The following DENND1B variants were observed in gnomAD, a reference collection of about 807,000 sequenced individuals.
The protein encoded by DENND1B is DENN domain containing 1B.
A neutral mutation model predicts 90.1 loss-of-function variants in DENND1B; 59 were observed. The ratio of observed to expected loss-of-function variants is 0.65; its 90% CI spans 0.53 to 0.81. The LOEUF (loss-of-function observed/expected upper bound fraction) is 0.81, where lower values mean the gene tolerates loss of function less well. DENND1B is among the 40% of genes least tolerant of loss of function. The pLI is 0.00. For synonymous variants in DENND1B, 337 were observed against 324.6 expected, an observed-to-expected ratio of 1.04 and a Z score of -0.41; for missense variants, 862 against 912.6, an observed-to-expected ratio of 0.94 and a Z score of 0.71.
chr1:197,552,159 T>C, intron 16 of DENND1B: 2 of 903,668 alleles, frequency 2.2e-6, no homozygotes, highest in Non-Finnish European at 2.6e-6. Flanking sequence ...TCTATTTATT[T>C]ACATATAGAC....
At chr1:197,749,497 T>C (rs1450769054) in intron 2 of DENND1B, among the ~76,000 whole-genome samples, 3 of 152,070 alleles carry the variant, frequency 2.0e-5, no homozygotes. Context: ...CAGAACATTA[T>C]TAAAAATGCT....
chr1:197,770,837 A>G (rs916000715), intron 2 of DENND1B, among the ~76,000 whole-genome samples: 1 of 96,978 alleles, frequency 1.0e-5, no homozygotes, highest in Admixed American at 1.1e-4. Context: ...TATATCTATA[A>G]ATATATATAA....
intron 2 of DENND1B, among the ~76,000 whole-genome samples, chr1:197,731,614 G>A (rs933424072): frequency 2.0e-5 from 3 of 152,058 alleles, no homozygotes; most frequent in African/African-American, 7.2e-5. Flanking sequence ...TATACACCAG[G>A]GGCGTCCAAT....
chr1:197,512,952 G>C lies in DENND1B; in HGVS notation c.1517C>G (p.Ala506Gly). The change falls in exon 21 of 23, where the codon GCA becomes GGA. Residue 506 changes from alanine to glycine, a missense_variant and splice_region_variant. Ala to Gly is a moderately conservative substitution (Grantham distance 60). Transcript: ENST00000620048. ...GNSEKRKLAQ[A>G]RLKRPLKSLD... ...GCTCTTAAGAGGCCTTTTTAAGCGTGCCTGGAGAGAGAGATTGACAATAAA... is the reference window on the plus strand; with the variant it reads ...GCTCTTAAGAGGCCTTTTTAAGCGTCCCTGGAGAGAGAGATTGACAATAAA... 2 of 1,605,922 alleles carry C rather than the reference G, an allele frequency of 1.2e-6. No homozygotes were observed. The highest frequency in any genetic ancestry group is 8.5e-7 in the Non-Finnish European group (1 of 1,176,310).
chr1:197,577,632 G>C (rs989221886), intron 15 of DENND1B, among the ~76,000 whole-genome samples: 4 of 152,176 alleles, frequency 2.6e-5, no homozygotes, highest in Admixed American at 1.3e-4. Flanking sequence ...GTATCAGTAT[G>C]AGATAAAAGT....
intron 9 of DENND1B, among the ~76,000 whole-genome samples, chr1:197,644,616 C>G (rs557921749): frequency 1.1e-4 from 16 of 147,020 alleles, no homozygotes; most frequent in Admixed American, 4.1e-4. Context: ...ACTTTAGGAT[C>G]CATTATGTCA....
At chr1:197,567,937 C>T (rs1398531488) in intron 15 of DENND1B, among the ~76,000 whole-genome samples, 1 of 151,016 alleles carries the variant, frequency 6.6e-6, no homozygotes, top group Non-Finnish European at 1.5e-5. Context: ...AGTAGAAATC[C>T]TAGTTAGAGC....
intron 3 of DENND1B, among the ~76,000 whole-genome samples, chr1:197,694,030 T>A (rs1205505259): frequency 1.3e-5 from 2 of 151,496 alleles, no homozygotes; most frequent in Non-Finnish European, 3.0e-5. Flanking sequence ...TATCCTAAAG[T>A]GTATTTCAGG....
intron 2 of DENND1B, among the ~76,000 whole-genome samples, chr1:197,751,954 GA>G (rs1653599279): frequency 7.6e-6 from 1 of 131,816 alleles, no homozygotes; most frequent in South Asian, 2.8e-4. Flanking sequence ...GGAGGAGGAG[GA>G]AGGGGGGAGG....
chr1:197,544,249 G>T (rs1670552019), intron 18 of DENND1B, among the ~76,000 whole-genome samples: 1 of 152,148 alleles, frequency 6.6e-6, no homozygotes, highest in Non-Finnish European at 1.5e-5. Context: ...GGGAAATAAT[G>T]TCTGAACTAA....
At chr1:197,761,429 T>G (rs17641842) in intron 2 of DENND1B, among the ~76,000 whole-genome samples, 10,893 of 152,230 alleles carry the variant, frequency 0.072, 503 homozygotes, top group Non-Finnish European at 0.097. Context: ...CCTATAATTT[T>G]AATGCATAGA....
rs79272041 is a variant in DENND1B, at chr1:197,546,337, G to A, written c.1282-347C>T. ...CAAGTTTATCAGCTGTTTTAATATC[G>A]GGCAAATAAAGTCTCAGTCTGGGGG... On this transcript the variant is annotated intron_variant, in intron 17 of 22. Coordinates refer to ENST00000620048, the MANE Select transcript of DENND1B (RefSeq NM_001195215.2). 5.7e-3 allele frequency among the ~76,000 whole-genome samples: 865 copies of A among 152,014 alleles called. 11 individuals are homozygous for A. The highest frequency in any genetic ancestry group is 0.019 in the African/African-American group (807 of 41,462).
chr1:197,598,256 T>C (rs143192163), intron 13 of DENND1B, among the ~76,000 whole-genome samples: 2 of 151,990 alleles, frequency 1.3e-5, no homozygotes, highest in African/African-American at 4.8e-5. Flanking sequence ...TCAGTACATC[T>C]GAAGTTGTTC....
At chr1:197,553,169 G>T in intron 15 of DENND1B, 57 bp from the exon 16 acceptor site, 1 of 1,364,324 alleles carries the variant, frequency 7.3e-7, no homozygotes, top group Non-Finnish European at 9.8e-7. Context: ...CCAATAAAAT[G>T]TTAATTTTTC....
chr1:197,713,733 AT>A (rs1379002580), intron 3 of DENND1B, among the ~76,000 whole-genome samples: 4 of 62,234 alleles, frequency 6.4e-5, no homozygotes, highest in Non-Finnish European at 1.0e-4. Context: ...TTAGAGTATA[AT>A]AAAAAAAAAA....
chr1:197,658,296 T>G lies in DENND1B; in HGVS notation c.366+4A>C. On this transcript the variant is annotated splice_donor_region_variant and intron_variant, in intron 6 of 22. Coordinates refer to ENST00000620048, the MANE Select transcript of DENND1B (RefSeq NM_001195215.2). Reference sequence around the variant, plus strand: ...AATTTAAAAATGGGGAAAAAATAGCTTACCAGTTCCTTAGCCAAGTAATCT... The same window carrying G: ...AATTTAAAAATGGGGAAAAAATAGCGTACCAGTTCCTTAGCCAAGTAATCT... 3 of 1,605,736 alleles carry G rather than the reference T, an allele frequency of 1.9e-6. No homozygotes were observed. Among genetic ancestry groups the G allele is most frequent in the Non-Finnish European group, 2.6e-6 (3 of 1,174,116 alleles).
intron 2 of DENND1B, chr1:197,746,869 G>C: frequency 1.2e-6 from 2 of 1,612,228 alleles, no homozygotes; most frequent in Non-Finnish European, 1.7e-6. Flanking sequence ...CTTTTACAAA[G>C]TTGTGGCAGG....
intron 6 of DENND1B, among the ~76,000 whole-genome samples, chr1:197,655,903 T>C (rs1447088580): frequency 6.6e-6 from 1 of 152,130 alleles, no homozygotes; most frequent in Non-Finnish European, 1.5e-5. Context: ...CACAACTGTA[T>C]AGAGTTATGT....
chr1:197,549,983 A>G (rs533063992), intron 16 of DENND1B, among the ~76,000 whole-genome samples: 6 of 152,294 alleles, frequency 3.9e-5, no homozygotes, highest in Middle Eastern at 6.8e-3. Flanking sequence ...ATAAACCTCC[A>G]TCATATTCAT....
Sources: gnomAD v4.1 joint callset for allele counts (sites outside exome capture counted in the v4.1 genomes callset) on GRCh38, gnomAD v4.1.1 for gene constraint, MANE v1.5 for transcripts, NCBI Gene and HGNC (gene_info 2026-07-23, HGNC 2026-07-21) for gene names.